Variants in NUBPL observed in about 807,000 individuals in gnomAD.
NUBPL encodes the protein NUBP iron-sulfur cluster assembly factor, mitochondrial.
In NUBPL, 31 loss-of-function variants were observed where a neutral mutation model predicts 45.7. That is an observed-to-expected ratio of 0.68 (90% CI 0.51 to 0.92). The LOEUF is 0.92. Ranked by LOEUF, NUBPL falls within the 40% of genes least tolerant of loss-of-function variation. The pLI is 0.00. For missense variants in NUBPL, 401 were observed against 398.7 expected (o/e 1.01, Z -0.05); for synonymous variants, 144 against 140.9 (o/e 1.02, Z -0.15).
intron 4 of NUBPL, among the ~76,000 whole-genome samples, chr14:31,640,386 G>T (rs1340162210): frequency 6.6e-6 from 1 of 152,108 alleles, no homozygotes; most frequent in Non-Finnish European, 1.5e-5. Context: ...GATCACTTGA[G>T]GGCAGGAGTT....
At chr14:31,576,029 A>G (rs566543243) in intron 3 of NUBPL, among the ~76,000 whole-genome samples, 1 of 152,360 alleles carries the variant, frequency 6.6e-6, no homozygotes, top group East Asian at 1.9e-4. Context: ...CTCAGAAACT[A>G]TATTTGTAAT....
intron 6 of NUBPL, among the ~76,000 whole-genome samples, chr14:31,750,293 G>T (rs2038494654): frequency 6.7e-6 from 1 of 149,682 alleles, no homozygotes; most frequent in African/African-American, 2.4e-5. Flanking sequence ...TCCTGCCTCA[G>T]CCTCTCCGAG....
At chr14:31,783,467 G>A (rs2039228264) in intron 6 of NUBPL, among the ~76,000 whole-genome samples, 1 of 151,486 alleles carries the variant, frequency 6.6e-6, no homozygotes, top group Non-Finnish European at 1.5e-5. Flanking sequence ...GAAATGAATT[G>A]CCTTAACTGT....
intron 4 of NUBPL, among the ~76,000 whole-genome samples, chr14:31,656,625 G>A (rs944415108): frequency 2.0e-5 from 3 of 152,108 alleles, no homozygotes; most frequent in African/African-American, 7.2e-5. Context: ...CGAGCAGTCA[G>A]AACACACACA....
chr14:31,776,697 G>T (rs1464832295), intron 6 of NUBPL, among the ~76,000 whole-genome samples: 3 of 152,166 alleles, frequency 2.0e-5, no homozygotes, highest in African/African-American at 7.2e-5. Flanking sequence ...ACAGCCCATA[G>T]CTTTGTTACA....
At chr14:31,680,331 G>A (rs893574974) in intron 6 of NUBPL, among the ~76,000 whole-genome samples, 4 of 152,132 alleles carry the variant, frequency 2.6e-5, no homozygotes, top group East Asian at 1.9e-4. Context: ...AGAACATTAA[G>A]TATTTTGTTG....
intron 10 of NUBPL, among the ~76,000 whole-genome samples, chr14:31,854,077 C>A (rs1247183995): frequency 1.3e-5 from 2 of 152,150 alleles, no homozygotes; most frequent in African/African-American, 4.8e-5. Context: ...TATTTTCTTA[C>A]AATTTCTAAA....
intron 10 of NUBPL, among the ~76,000 whole-genome samples, chr14:31,851,784 G>A (rs1309526258): frequency 6.6e-6 from 1 of 151,020 alleles, no homozygotes; most frequent in Non-Finnish European, 1.5e-5. Context: ...AGTGCCTCCT[G>A]AGAACAGACT....
chr14:31,732,327 C>A (rs1319088042), intron 6 of NUBPL, among the ~76,000 whole-genome samples: 3 of 151,996 alleles, frequency 2.0e-5, no homozygotes, highest in Non-Finnish European at 2.9e-5. Flanking sequence ...AGACTCTGGG[C>A]AAATCATTTA....
At chr14:31,653,949 A>G in intron 4 of NUBPL, 1 of 308,332 alleles carries the variant, frequency 3.2e-6, no homozygotes, top group Non-Finnish European at 6.9e-6. Context: ...ACTTCCCACA[A>G]CAATTGTGTG....
At chr14:31,853,009 A>G (rs563942473) in intron 10 of NUBPL, among the ~76,000 whole-genome samples, 2 of 152,366 alleles carry the variant, frequency 1.3e-5, no homozygotes, top group South Asian at 4.1e-4. Context: ...CTTCTGCAGA[A>G]GTTAATGGGG....
chr14:31,813,195 G>T lies in NUBPL; in HGVS notation c.608-13434G>T, dbSNP rs541840301. ...GCAGAGACGGGGTTTCACCATGTTA[G>T]CCAGGATGGTCTCAATCTCCTGACC... On this transcript the variant is annotated intron_variant, in intron 7 of 10. Coordinates refer to ENST00000281081, the MANE Select transcript of NUBPL (RefSeq NM_025152.3). 2.8e-4 allele frequency among the ~76,000 whole-genome samples: 42 copies of T among 151,952 alleles called. 1 individual carries two copies. In the South Asian group the frequency reaches 6.2e-3, roughly 23 times the overall value.
rs373014502 is a variant in NUBPL, at chr14:31,762,870, G to A, written c.514-24910G>A. Among the ~76,000 whole-genome samples, 23 of 152,066 alleles carry A rather than the reference G, an allele frequency of 1.5e-4. 1 individual carries two copies. The East Asian group carries it at 3.9e-3, about 26-fold the overall frequency. On this transcript the variant is annotated intron_variant, in intron 6 of 10. Transcript: ENST00000281081. ...TTCAGATTCATAGATAATTGCTGCTGAGCTTAGCTTATAATGTTTGGCCAA... is the reference window on the plus strand; with the variant it reads ...TTCAGATTCATAGATAATTGCTGCTAAGCTTAGCTTATAATGTTTGGCCAA...
At chr14:31,693,250 T>G (rs1198829131) in intron 6 of NUBPL, among the ~76,000 whole-genome samples, 1 of 152,184 alleles carries the variant, frequency 6.6e-6, no homozygotes, top group Non-Finnish European at 1.5e-5. Flanking sequence ...GAATCATATC[T>G]AAATCCTTCT....
chr14:31,742,544 A>G (rs2038308276), intron 6 of NUBPL, among the ~76,000 whole-genome samples: 1 of 152,152 alleles, frequency 6.6e-6, no homozygotes, highest in Non-Finnish European at 1.5e-5. Flanking sequence ...ATTTACTAAG[A>G]ACTTTACCAG....
intron 6 of NUBPL, among the ~76,000 whole-genome samples, chr14:31,704,859 A>C (rs1007085256): frequency 6.6e-6 from 1 of 152,060 alleles, no homozygotes; most frequent in Admixed American, 6.5e-5. Flanking sequence ...GCTGACTTCA[A>C]GAATGAAGCC....
chr14:31,638,353 A>G (rs1352886424), intron 4 of NUBPL, among the ~76,000 whole-genome samples: 1 of 151,342 alleles, frequency 6.6e-6, no homozygotes, highest in African/African-American at 2.4e-5. Flanking sequence ...TATGAAGCTT[A>G]GTTTGGCTGG....
At chr14:31,688,892 A>T (rs1299729468) in intron 6 of NUBPL, among the ~76,000 whole-genome samples, 2 of 151,740 alleles carry the variant, frequency 1.3e-5, no homozygotes, top group African/African-American at 4.8e-5. Context: ...TTTAGCTCCT[A>T]CTTAAAAGTG....
intron 4 of NUBPL, among the ~76,000 whole-genome samples, chr14:31,633,071 G>A (rs913282815): frequency 6.6e-6 from 1 of 152,174 alleles, no homozygotes; most frequent in Non-Finnish European, 1.5e-5. Flanking sequence ...ACATTTACTG[G>A]GTGATATCTG....
Sources: allele counts gnomAD v4.1 joint callset (sites outside exome capture counted in the v4.1 genomes callset), GRCh38; gene constraint gnomAD v4.1.1; transcripts MANE v1.5; gene names NCBI Gene and HGNC (gene_info 2026-07-23, HGNC 2026-07-21).